SUGCT: variants seen among roughly 807,000 people sequenced by gnomAD.
SUGCT encodes succinyl-CoA:glutarate CoA-transferase.
A neutral mutation model predicts 55.0 loss-of-function variants in SUGCT; 41 were observed. The ratio of observed to expected loss-of-function variants is 0.74; its 90% CI spans 0.58 to 0.97. The LOEUF is 0.97. Ranked by LOEUF, SUGCT falls within the 50% of genes least tolerant of loss-of-function variation. The pLI is 0.00. For missense variants in SUGCT, 568 were observed against 547.8 expected, an observed-to-expected ratio of 1.04 and a Z score of -0.37; for synonymous variants, 187 against 200.4, an observed-to-expected ratio of 0.93 and a Z score of 0.56.
At chr7:40,401,276 C>A (rs1239926188) in intron 9 of SUGCT, among the ~76,000 whole-genome samples, 1 of 152,088 alleles carries the variant, frequency 6.6e-6, no homozygotes, top group African/African-American at 2.4e-5. Context: ...AATTATATGA[C>A]AATATAAGTT....
intron 13 of SUGCT, among the ~76,000 whole-genome samples, chr7:40,763,419 A>G (rs1429969051): frequency 2.0e-5 from 3 of 152,228 alleles, no homozygotes; most frequent in Non-Finnish European, 4.4e-5. Context: ...TGAGTTACTC[A>G]GAAATCCATG....
intron 7 of SUGCT, among the ~76,000 whole-genome samples, chr7:40,265,461 T>C (rs976761384): frequency 3.9e-5 from 6 of 152,160 alleles, no homozygotes; most frequent in Admixed American, 6.5e-5. Flanking sequence ...TGTCCCTCTC[T>C]CCCCCCTCCT....
At chr7:40,322,383 G>A (rs115418769) in intron 9 of SUGCT, among the ~76,000 whole-genome samples, 2,425 of 152,220 alleles carry the variant, frequency 0.016, 62 homozygotes, top group African/African-American at 0.056. Flanking sequence ...TCTTTGGGTA[G>A]CTACCACTAT....
intron 13 of SUGCT, among the ~76,000 whole-genome samples, chr7:40,784,495 G>T (rs775011351): frequency 6.6e-6 from 1 of 152,144 alleles, no homozygotes; most frequent in African/African-American, 2.4e-5. Context: ...TCACTTGCTT[G>T]TGGGAGGAAC....
chr7:40,843,598 G>A (rs1433005578), intron 13 of SUGCT, among the ~76,000 whole-genome samples: 2 of 152,032 alleles, frequency 1.3e-5, no homozygotes, highest in African/African-American at 4.8e-5. Flanking sequence ...ATTTTAGGAG[G>A]AAGAATGTTC....
chr7:40,185,989 T>C (rs1188146436), intron 3 of SUGCT, among the ~76,000 whole-genome samples: 3 of 152,164 alleles, frequency 2.0e-5, no homozygotes, highest in African/African-American at 7.2e-5. Flanking sequence ...GGTGGTATTT[T>C]CACATTTCAA....
chr7:40,420,802 GACACAC>G (rs147287632), intron 9 of SUGCT, among the ~76,000 whole-genome samples: 1 of 151,232 alleles, frequency 6.6e-6, no homozygotes, highest in African/African-American at 2.4e-5. Context: ...TACACACACA[GACACAC>G]ACACACACAT....
At chr7:40,754,755 AGTGG>A (rs1223292857) in intron 13 of SUGCT, among the ~76,000 whole-genome samples, 1 of 152,234 alleles carries the variant, frequency 6.6e-6, no homozygotes, top group African/African-American at 2.4e-5. Context: ...TGAATCTGTG[AGTGG>A]TTTTCCACCT....
chr7:40,942,316 A>G, the SUGCT span, among the ~76,000 whole-genome samples: 1 of 152,118 alleles, frequency 6.6e-6, no homozygotes, highest in Admixed American at 6.6e-5. Flanking sequence ...TGCATAATTT[A>G]TGAAACCTAG....
intron 7 of SUGCT, among the ~76,000 whole-genome samples, chr7:40,267,832 G>A (rs2150980580): frequency 6.6e-6 from 1 of 152,198 alleles, no homozygotes; most frequent in South Asian, 2.1e-4. Flanking sequence ...TCAATGATAG[G>A]AATATATTTA....
chr7:40,401,345 A>G (rs190982408), intron 9 of SUGCT, among the ~76,000 whole-genome samples: 126 of 152,328 alleles, frequency 8.3e-4, no homozygotes, highest in African/African-American at 2.9e-3. Context: ...CACTAGGTCC[A>G]ATAGGGCTAT....
At chr7:40,827,269 G>A (rs1158153467) in intron 13 of SUGCT, among the ~76,000 whole-genome samples, 5 of 152,154 alleles carry the variant, frequency 3.3e-5, no homozygotes, top group East Asian at 3.9e-4. Context: ...AGGTGATAGG[G>A]TGTGTTGCTG....
At chr7:40,608,415 C>T (rs1444972627) in intron 12 of SUGCT, among the ~76,000 whole-genome samples, 1 of 152,092 alleles carries the variant, frequency 6.6e-6, no homozygotes, top group Admixed American at 6.5e-5. Context: ...CTCTGAAATA[C>T]GTTGGGGATT....
chr7:40,562,166 G>A (rs1400290112), intron 12 of SUGCT, among the ~76,000 whole-genome samples: 1 of 151,868 alleles, frequency 6.6e-6, no homozygotes, highest in Non-Finnish European at 1.5e-5. Flanking sequence ...GGGTGTGGTG[G>A]TGGGTGCCTG....
chr7:40,927,526 A>C, the SUGCT span, among the ~76,000 whole-genome samples: 1 of 152,216 alleles, frequency 6.6e-6, no homozygotes, highest in East Asian at 1.9e-4. Flanking sequence ...AACACTTTGC[A>C]TACCAGGAAA....
At chr7:40,401,000 G>T (rs1193668844) in intron 9 of SUGCT, among the ~76,000 whole-genome samples, 1 of 152,102 alleles carries the variant, frequency 6.6e-6, no homozygotes, top group East Asian at 1.9e-4. Flanking sequence ...TTGCTAAAAT[G>T]CTTTTGTTTT....
intron 12 of SUGCT, among the ~76,000 whole-genome samples, chr7:40,722,642 A>G (rs964381414): frequency 8.5e-5 from 13 of 152,266 alleles, no homozygotes; most frequent in Admixed American, 7.8e-4. Flanking sequence ...TGTCCACTAT[A>G]GCTTTATTTT....
chr7:40,285,088 A>T (rs377324772), intron 8 of SUGCT, among the ~76,000 whole-genome samples: 17 of 152,326 alleles, frequency 1.1e-4, no homozygotes, highest in East Asian at 7.7e-4. Flanking sequence ...ATCCCAAAGG[A>T]AAAAAGAATA....
chr7:40,946,644 C>T, the SUGCT span, among the ~76,000 whole-genome samples: 3 of 152,068 alleles, frequency 2.0e-5, no homozygotes, highest in Admixed American at 6.6e-5. Context: ...GACACATTCT[C>T]TTGGTTTTGG....
Sources: allele counts gnomAD v4.1 joint callset (sites outside exome capture counted in the v4.1 genomes callset), GRCh38; gene constraint gnomAD v4.1.1; transcripts MANE v1.5; gene names NCBI Gene and HGNC (gene_info 2026-07-23, HGNC 2026-07-21).